NRXN3: variants seen among roughly 807,000 people sequenced by gnomAD.
The protein encoded by NRXN3 is neurexin 3, also known as neurexin III.
In NRXN3, 32 loss-of-function variants were observed where a neutral mutation model predicts 137.6. The observed-to-expected ratio is 0.23, with a 90% CI of 0.18 to 0.31. The LOEUF is 0.31. Ranked by LOEUF, NRXN3 falls within the 10% of genes least tolerant of loss-of-function variation. The probability of loss-of-function intolerance (pLI) is 1.00; values close to 1 mark genes in which losing one functional copy is unlikely to be tolerated. For synonymous variants in NRXN3, 798 were observed against 784.5 expected, an observed-to-expected ratio of 1.02 and a Z score of -0.29; for missense variants, 1,574 against 2,062.5, an observed-to-expected ratio of 0.76 and a Z score of 4.59.
intron 15 of NRXN3, among the ~76,000 whole-genome samples, chr14:79,415,063 T>C (rs988939075): frequency 6.6e-6 from 1 of 152,154 alleles, no homozygotes; most frequent in Non-Finnish European, 1.5e-5. Flanking sequence ...GGATGAATAA[T>C]ATTTCTATAT....
rs2099418301 is a variant in NRXN3, at chr14:79,866,962, A to G, written c.*4998A>G. 6.6e-6 allele frequency: 1 copy of G among 152,230 alleles called. No individual in the cohort carries two copies. The allele number at this position is 152,230 out of a possible 1,614,324, so 9.4% of individuals were successfully genotyped here. On this transcript the variant is annotated 3_prime_UTR_variant, in exon 21 of 21. Transcript: ENST00000335750. ...AGCACCAGTAGGAAGGCGCTAATGA[A>G]AAGATCTCTAAATATCAGTAAGGGG...
intron 4 of NRXN3, among the ~76,000 whole-genome samples, chr14:78,433,585 G>A (rs2093964832): frequency 1.3e-5 from 2 of 152,146 alleles, no homozygotes; most frequent in Non-Finnish European, 2.9e-5. Flanking sequence ...ATTATCAAGG[G>A]AGAACATTAG....
intron 16 of NRXN3, among the ~76,000 whole-genome samples, chr14:79,621,879 C>A (rs998377087): frequency 7.2e-5 from 11 of 152,116 alleles, no homozygotes; most frequent in South Asian, 4.1e-4. Context: ...TGTTTTTGAA[C>A]CTTTCTATTT....
At position 78,791,674 on chromosome 14, in the gene NRXN3, G is replaced by T. The variant is rs533002565; in HGVS notation, c.2045-11946G>T. Among the ~76,000 whole-genome samples, 2 of 152,116 alleles carry T rather than the reference G, an allele frequency of 1.3e-5. 1 individual carries two copies. Among genetic ancestry groups the T allele is most frequent in the South Asian group, 4.1e-4 (2 of 4,824 alleles). ...TGAGAATCAAAAGAAAAGTCACCAG[G>T]AGCACATGGATTCCCCTCCATTGCC... On this transcript the variant is annotated intron_variant, in intron 8 of 20. Coordinates refer to ENST00000335750, the MANE Select transcript of NRXN3 (RefSeq NM_001330195.2).
At chr14:78,859,310 G>A (rs922859841) in intron 10 of NRXN3, among the ~76,000 whole-genome samples, 3 of 152,088 alleles carry the variant, frequency 2.0e-5, no homozygotes, top group Admixed American at 1.3e-4. Context: ...CTTCATAGCG[G>A]TGTGAGAATG....
At position 79,804,085 on chromosome 14, in the gene NRXN3, A is replaced by G. The variant is rs114402121; in HGVS notation, c.4015-1027A>G. On this transcript the variant is annotated intron_variant, in intron 19 of 20. Transcript: ENST00000335750. ...AGTGGTTTATTACCTCTTCCTCTTG[A>G]ATTTGGATCCAGACTTTAGTACATT... Among the ~76,000 whole-genome samples the G allele has an allele frequency of 7.8e-3, 1,184 of 151,670 alleles. 11 individuals carry two copies. The highest frequency in any genetic ancestry group is 0.027 in the African/African-American group (1,133 of 41,330).
chr14:78,250,014 T>A, intron 2 of NRXN3: 1 of 468,424 alleles, frequency 2.1e-6, no homozygotes, highest in South Asian at 1.6e-5. Flanking sequence ...AGGCTCACAC[T>A]GTCTTAGGTG....
At chr14:78,903,799 G>A (rs753767823) in intron 10 of NRXN3, among the ~76,000 whole-genome samples, 1 of 152,014 alleles carries the variant, frequency 6.6e-6, no homozygotes, top group African/African-American at 2.4e-5. Flanking sequence ...TTGTCCAGTG[G>A]CCCAATTTTA....
At chr14:79,485,801 A>G (rs908811254) in intron 16 of NRXN3, among the ~76,000 whole-genome samples, 3 of 152,178 alleles carry the variant, frequency 2.0e-5, no homozygotes, top group Non-Finnish European at 4.4e-5. Context: ...CTAACGGGGC[A>G]CTGTCAACAT....
chr14:79,590,201 A>G (rs1288389488), intron 16 of NRXN3, among the ~76,000 whole-genome samples: 2 of 152,064 alleles, frequency 1.3e-5, no homozygotes, highest in Non-Finnish European at 2.9e-5. Context: ...TAATTGAATT[A>G]TGTGGGCAGG....
At chr14:78,574,480 C>T (rs145542008) in intron 4 of NRXN3, among the ~76,000 whole-genome samples, 8 of 152,328 alleles carry the variant, frequency 5.3e-5, no homozygotes, top group African/African-American at 1.9e-4. Context: ...CTATGTGAGC[C>T]CACCTCTTGC....
chr14:78,250,848 G>C (rs2068502655), intron 2 of NRXN3, among the ~76,000 whole-genome samples: 2 of 152,196 alleles, frequency 1.3e-5, no homozygotes, highest in African/African-American at 4.8e-5. Context: ...GTGAGATGGA[G>C]CATTGCCTCC....
chr14:78,294,740 G>A (rs73310391), intron 3 of NRXN3, among the ~76,000 whole-genome samples: 13,931 of 152,104 alleles, frequency 0.092, 1,586 homozygotes, highest in African/African-American at 0.27. Context: ...AGCACAGATG[G>A]AAATCAAACC....
intron 15 of NRXN3, among the ~76,000 whole-genome samples, chr14:79,332,762 G>C (rs1470118172): frequency 6.6e-6 from 1 of 152,084 alleles, no homozygotes; most frequent in African/African-American, 2.4e-5. Context: ...TTGCTTTTGT[G>C]TTTAGTTCCA....
At chr14:79,386,554 C>T (rs1310716788) in intron 15 of NRXN3, among the ~76,000 whole-genome samples, 1 of 152,116 alleles carries the variant, frequency 6.6e-6, no homozygotes, top group African/African-American at 2.4e-5. Context: ...TCAATCTCAT[C>T]CCCATCAAGC....
chr14:79,504,562 G>T (rs1222435353), intron 16 of NRXN3, among the ~76,000 whole-genome samples: 1 of 147,810 alleles, frequency 6.8e-6, no homozygotes, highest in Non-Finnish European at 1.5e-5. Context: ...TAATATTTTA[G>T]CCCTGATTTT....
intron 15 of NRXN3, among the ~76,000 whole-genome samples, chr14:79,413,940 T>G (rs985121232): frequency 6.7e-6 from 1 of 148,270 alleles, no homozygotes; most frequent in Non-Finnish European, 1.5e-5. Context: ...ATGGCAGAAT[T>G]GAGTCATTGC....
chr14:79,657,159 T>C (rs2098510398), intron 16 of NRXN3, among the ~76,000 whole-genome samples: 1 of 152,212 alleles, frequency 6.6e-6, no homozygotes, highest in Admixed American at 6.5e-5. Flanking sequence ...ACACAAGTAT[T>C]ACTGTTGCTC....
At chr14:79,214,300 C>T (rs887645565) in intron 15 of NRXN3, among the ~76,000 whole-genome samples, 1 of 152,210 alleles carries the variant, frequency 6.6e-6, no homozygotes, top group Non-Finnish European at 1.5e-5. Context: ...GATAAAGTGC[C>T]TAGACTGTGC....
Sources: allele counts gnomAD v4.1 joint callset (sites outside exome capture counted in the v4.1 genomes callset), GRCh38; gene constraint gnomAD v4.1.1; transcripts MANE v1.5; gene names NCBI Gene and HGNC (gene_info 2026-07-23, HGNC 2026-07-21).